The following ATP8A1 variants were observed in gnomAD, a reference collection of about 807,000 sequenced individuals.
The protein encoded by ATP8A1 is ATPase phospholipid transporting 8A1, also known as phospholipid-transporting ATPase IA.
A neutral mutation model predicts 177.7 loss-of-function variants in ATP8A1; 90 were observed. That is an observed-to-expected ratio of 0.51 (90% CI 0.43 to 0.60). ATP8A1 has a LOEUF of 0.60. ATP8A1 is among the 20% of genes least tolerant of loss of function. The probability of loss-of-function intolerance (pLI) is 0.00; values close to 1 mark genes in which losing one functional copy is unlikely to be tolerated. For synonymous variants in ATP8A1, 493 were observed against 485.9 expected (o/e 1.01, Z -0.19); for missense variants, 1,072 against 1,392.8 (o/e 0.77, Z 3.67).
At chr4:42,425,406 A>C (rs1223103464) in intron 33 of ATP8A1, among the ~76,000 whole-genome samples, 1 of 152,218 alleles carries the variant, frequency 6.6e-6, no homozygotes, top group Non-Finnish European at 1.5e-5. Flanking sequence ...TGGCATTACA[A>C]ATGAACAACA....
chr4:42,568,440 T>C (rs189056597), intron 15 of ATP8A1, among the ~76,000 whole-genome samples: 74 of 152,328 alleles, frequency 4.9e-4, no homozygotes, highest in African/African-American at 1.7e-3. Flanking sequence ...TTTCCTGAAA[T>C]TTCATTTGCC....
chr4:42,606,097 T>C (rs771982140), intron 5 of ATP8A1, among the ~76,000 whole-genome samples: 4 of 152,234 alleles, frequency 2.6e-5, no homozygotes, highest in Non-Finnish European at 5.9e-5. Flanking sequence ...CCATAAATAC[T>C]TTAATGAATA....
chr4:42,625,888 A>G, intron 2 of ATP8A1, 175 bp from the exon 3 acceptor site: 1 of 430,984 alleles, frequency 2.3e-6, no homozygotes. Flanking sequence ...AAAAGGTTAA[A>G]TAAATGGTAA....
chr4:42,555,885 CAT>C (rs1173203826), intron 16 of ATP8A1, 81 bp downstream of exon 16: 4 of 866,808 alleles, frequency 4.6e-6, no homozygotes, highest in Non-Finnish European at 7.0e-6. Flanking sequence ...AAAAGAGAAA[CAT>C]GTAAACATAG....
chr4:42,623,968 T>C (rs1318885212), intron 4 of ATP8A1, among the ~76,000 whole-genome samples: 1 of 151,904 alleles, frequency 6.6e-6, no homozygotes, highest in African/African-American at 2.4e-5. Context: ...AAAATAGATA[T>C]AACAGAAAAA....
At chr4:42,458,835 T>C (rs1718768815) in intron 27 of ATP8A1, among the ~76,000 whole-genome samples, 1 of 152,198 alleles carries the variant, frequency 6.6e-6, no homozygotes, top group Non-Finnish European at 1.5e-5. Flanking sequence ...ATTTTCCTGA[T>C]GGAGCATTTC....
intron 1 of ATP8A1, among the ~76,000 whole-genome samples, chr4:42,629,595 T>C (rs985605966): frequency 1.3e-5 from 2 of 152,222 alleles, no homozygotes; most frequent in African/African-American, 4.8e-5. Flanking sequence ...CCCAGAATGT[T>C]TGAAGGCCAG....
chr4:42,510,162 T>G (rs866973688), intron 22 of ATP8A1, among the ~76,000 whole-genome samples: 1 of 152,174 alleles, frequency 6.6e-6, no homozygotes, highest in Non-Finnish European at 1.5e-5. Flanking sequence ...ATATTCCAAA[T>G]AATATGGATG....
chr4:42,433,175 G>T (rs1309031703), intron 33 of ATP8A1, among the ~76,000 whole-genome samples: 1 of 152,128 alleles, frequency 6.6e-6, no homozygotes, highest in Non-Finnish European at 1.5e-5. Context: ...CCTTGCTTGG[G>T]CTGTTCTGTA....
At chr4:42,512,273 C>T (rs1038222925) in intron 22 of ATP8A1, among the ~76,000 whole-genome samples, 2 of 152,096 alleles carry the variant, frequency 1.3e-5, no homozygotes, top group Non-Finnish European at 2.9e-5. Flanking sequence ...TTGTTCAAAT[C>T]ATCAGGTTTT....
chr4:42,517,894 C>T lies in ATP8A1; in HGVS notation c.1947+4266G>A, dbSNP rs528314509. Reference sequence around the variant, plus strand: ...GACTGTCAATAGGGATAACAATAGCCGGTGGGCTTTTTCACTTTCCATATC... The same window carrying T: ...GACTGTCAATAGGGATAACAATAGCTGGTGGGCTTTTTCACTTTCCATATC... On this transcript the variant is annotated intron_variant, in intron 22 of 36. Transcript: ENST00000381668. Among the ~76,000 whole-genome samples the T allele has an allele frequency of 5.3e-5, 8 of 152,260 alleles. No individual in the cohort carries two copies. In the South Asian group the frequency reaches 6.2e-4, roughly 12 times the overall value.
At chr4:42,652,486 G>C (rs1248046260) in intron 1 of ATP8A1, among the ~76,000 whole-genome samples, 1 of 152,084 alleles carries the variant, frequency 6.6e-6, no homozygotes, top group Non-Finnish European at 1.5e-5. Flanking sequence ...TTATTGTTGA[G>C]ACTTGCTTTT....
chr4:42,615,752 C>T (rs1337331729), intron 5 of ATP8A1, among the ~76,000 whole-genome samples: 1 of 152,158 alleles, frequency 6.6e-6, no homozygotes, highest in Non-Finnish European at 1.5e-5. Context: ...TTAACACTGT[C>T]AAAACAACTG....
At chr4:42,475,318 T>C (rs1720924740) in intron 25 of ATP8A1, among the ~76,000 whole-genome samples, 1 of 152,094 alleles carries the variant, frequency 6.6e-6, no homozygotes, top group Admixed American at 6.6e-5. Flanking sequence ...CCTGGCTAAT[T>C]TGTAATTTTT....
intron 1 of ATP8A1, among the ~76,000 whole-genome samples, chr4:42,654,500 T>C (rs1741429984): frequency 6.6e-6 from 1 of 152,176 alleles, no homozygotes; most frequent in African/African-American, 2.4e-5. Context: ...CGCCACCCTC[T>C]CTCAGGATCT....
At position 42,552,494 on chromosome 4, in the gene ATP8A1, T is replaced by C. The variant is rs780985372; in HGVS notation, c.1519+11A>G. The C allele has an allele frequency of 3.8e-6, 6 of 1,582,736 alleles. No individual in the cohort carries two copies. The Admixed American group carries it at 8.5e-5, about 22-fold the overall frequency. On this transcript the variant is annotated intron_variant, in intron 17 of 36. Transcript: ENST00000381668. Reference sequence around the variant, plus strand: ...CCACAAAACAATACTTTACAATTGCTTCATTTGTACCTGGAGATGCTGCTT... The same window carrying C: ...CCACAAAACAATACTTTACAATTGCCTCATTTGTACCTGGAGATGCTGCTT...
At chr4:42,473,323 C>T (rs1720668982) in intron 25 of ATP8A1, among the ~76,000 whole-genome samples, 1 of 152,100 alleles carries the variant, frequency 6.6e-6, no homozygotes. Flanking sequence ...ATATTGACAG[C>T]CTATATGATA....
intron 1 of ATP8A1, among the ~76,000 whole-genome samples, chr4:42,643,649 A>G (rs1740231196): frequency 6.6e-6 from 1 of 152,186 alleles, no homozygotes; most frequent in African/African-American, 2.4e-5. Context: ...CCCCAAGATG[A>G]AATCAGAATC....
At chr4:42,423,554 G>T in intron 34 of ATP8A1, 63 bp downstream of exon 34, 1 of 1,175,904 alleles carries the variant, frequency 8.5e-7, no homozygotes, top group Non-Finnish European at 1.2e-6. Context: ...ATGTTACCAA[G>T]AGAGAAATCT....
Sources: gnomAD v4.1 joint callset for allele counts (sites outside exome capture counted in the v4.1 genomes callset) on GRCh38, gnomAD v4.1.1 for gene constraint, MANE v1.5 for transcripts, NCBI Gene and HGNC (gene_info 2026-07-23, HGNC 2026-07-21) for gene names.